Variants in GULP1 observed in about 807,000 individuals in gnomAD.
GULP1 encodes GULP PTB domain containing engulfment adaptor 1, also known as PTB domain-containing engulfment adapter protein 1.
In GULP1, 19 loss-of-function variants were observed where a neutral mutation model predicts 40.9. That is an observed-to-expected ratio of 0.46 (90% CI 0.32 to 0.68). The LOEUF (loss-of-function observed/expected upper bound fraction) is 0.68. GULP1 is among the 30% of genes least tolerant of loss of function. The pLI, the probability that GULP1 is intolerant of heterozygous loss-of-function variation, is 0.03. For synonymous variants in GULP1, 119 were observed against 117.6 expected (o/e 1.01, Z -0.08); for missense variants, 312 against 362.2 (o/e 0.86, Z 1.12).
intron 3 of GULP1, among the ~76,000 whole-genome samples, chr2:188,479,932 C>T (rs1042226420): frequency 6.6e-6 from 1 of 152,030 alleles, no homozygotes; most frequent in African/African-American, 2.4e-5. Context: ...GCTTCATTCT[C>T]TTTGAATTTC....
At chr2:188,498,695 T>C (rs190386238) in intron 4 of GULP1, among the ~76,000 whole-genome samples, 196 of 151,872 alleles carry the variant, frequency 1.3e-3, no homozygotes, top group Middle Eastern at 3.4e-3. Context: ...AAAAATAATA[T>C]ATTATGTAGT....
At chr2:188,441,873 C>G (rs188979856) in intron 2 of GULP1, among the ~76,000 whole-genome samples, 98 of 152,216 alleles carry the variant, frequency 6.4e-4, no homozygotes, top group Non-Finnish European at 7.9e-4. Context: ...TTAAATAATG[C>G]AACAGATCTA....
At chr2:188,314,591 T>G in intron 1 of GULP1, among the ~76,000 whole-genome samples, 1 of 152,134 alleles carries the variant, frequency 6.6e-6, no homozygotes, top group East Asian at 1.9e-4. Context: ...AAAACTAACT[T>G]TGTAAAACCT....
chr2:188,401,273 AAAG>A (rs890818784), intron 2 of GULP1, among the ~76,000 whole-genome samples: 12 of 152,284 alleles, frequency 7.9e-5, no homozygotes, highest in East Asian at 1.9e-4. Context: ...AGCTGAGTGA[AAAG>A]AAGAAAACTA....
intron 4 of GULP1, among the ~76,000 whole-genome samples, chr2:188,506,404 C>T (rs938637172): frequency 2.6e-5 from 4 of 151,844 alleles, no homozygotes; most frequent in African/African-American, 9.7e-5. Context: ...CTATAATCTA[C>T]CTGGATTATG....
intron 1 of GULP1, among the ~76,000 whole-genome samples, chr2:188,321,541 TG>T (rs2039979626): frequency 6.6e-6 from 1 of 152,190 alleles, no homozygotes; most frequent in Non-Finnish European, 1.5e-5. Context: ...ATGCTAAAAA[TG>T]TTTTTCACAT....
chr2:188,554,115 T>C (rs1694175074), intron 7 of GULP1, among the ~76,000 whole-genome samples: 1 of 152,002 alleles, frequency 6.6e-6, no homozygotes, highest in Non-Finnish European at 1.5e-5. Context: ...TTGTTTGATC[T>C]TGTGTATTTT....
At chr2:188,375,425 G>A (rs767545279) in intron 1 of GULP1, among the ~76,000 whole-genome samples, 1 of 152,166 alleles carries the variant, frequency 6.6e-6, no homozygotes, top group Non-Finnish European at 1.5e-5. Flanking sequence ...TTAAACTAAT[G>A]ACTTTTTATG....
rs923952987 is a variant in GULP1 at position 188,424,895 on chromosome 2, T to G, written c.-45+41006T>G. On this transcript the variant is annotated intron_variant, in intron 2 of 11. Transcript: ENST00000409830. Reference sequence around the variant, plus strand: ...GTTCATCAGTTTATGGAATTTCTTGTAAAATGTTAGCTAGATATAAAGGTT... The same window carrying G: ...GTTCATCAGTTTATGGAATTTCTTGGAAAATGTTAGCTAGATATAAAGGTT... Among the ~76,000 whole-genome samples the G allele has an allele frequency of 2.6e-5, 4 of 152,024 alleles. No individual in the cohort carries two copies. The East Asian group carries it at 5.8e-4, about 22-fold the overall frequency.
At chr2:188,424,844 A>G (rs907562009) in intron 2 of GULP1, among the ~76,000 whole-genome samples, 1 of 152,012 alleles carries the variant, frequency 6.6e-6, no homozygotes, top group African/African-American at 2.4e-5. Context: ...CTGGATTTTA[A>G]TGATGGCATC....
At chr2:188,544,873 G>T (rs1029700030) in intron 7 of GULP1, among the ~76,000 whole-genome samples, 2 of 151,946 alleles carry the variant, frequency 1.3e-5, no homozygotes, top group Admixed American at 6.6e-5. Context: ...TCAACCTATA[G>T]ATCTAAAATA....
At chr2:188,411,427 C>T (rs2053864236) in intron 2 of GULP1, among the ~76,000 whole-genome samples, 1 of 152,110 alleles carries the variant, frequency 6.6e-6, no homozygotes, top group African/African-American at 2.4e-5. Flanking sequence ...TGTTGCTGAG[C>T]CCATGCCTAA....
chr2:188,438,435 AAT>A (rs772262760), intron 2 of GULP1, among the ~76,000 whole-genome samples: 16 of 150,732 alleles, frequency 1.1e-4, no homozygotes, highest in Non-Finnish European at 1.8e-4. Flanking sequence ...TCAAATACAT[AAT>A]ATATGACTAC....
intron 2 of GULP1, among the ~76,000 whole-genome samples, chr2:188,410,572 A>T (rs2053734418): frequency 6.6e-6 from 1 of 152,212 alleles, no homozygotes; most frequent in South Asian, 2.1e-4. Context: ...CATACAGATG[A>T]CCAACAGGTA....
At position 188,292,301 on chromosome 2, in the gene GULP1, G is replaced by T. The variant is rs1233620822; in HGVS notation, c.-172+135G>T. 6.5e-6 allele frequency: 1 copy of T among 152,678 alleles called. No individual in the cohort carries two copies. The highest frequency in any genetic ancestry group is 1.9e-4 in the East Asian group (1 of 5,166). 9.5% of individuals were successfully genotyped at this position (152,678 alleles called of 1,614,324 possible). A position where few individuals can be genotyped will look rare whatever the true frequency, so the allele number is the denominator to read the frequency against. The stretch of plus-strand genomic sequence containing the variant: ...CCGGCCACCAGTGCCCGGGAAGGAG[G>T]GCGCGGGGCTGCGCGTAGCCGCTGG... On this transcript the variant is annotated intron_variant, in intron 1 of 11. Coordinates refer to ENST00000409830, the MANE Select transcript of GULP1 (RefSeq NM_016315.4). The surrounding 1 kb of genome is among the most constrained non-coding windows in gnomAD (Gnocchi z 4.0).
intron 6 of GULP1, among the ~76,000 whole-genome samples, chr2:188,537,565 G>A (rs2153277054): frequency 6.6e-6 from 1 of 152,116 alleles, no homozygotes; most frequent in South Asian, 2.1e-4. Context: ...ATTTTTTAAT[G>A]TACTGTGGAA....
intron 1 of GULP1, among the ~76,000 whole-genome samples, chr2:188,364,267 A>T (rs1210102727): frequency 1.3e-5 from 2 of 152,148 alleles, no homozygotes; most frequent in Non-Finnish European, 2.9e-5. Context: ...TATGTGGAGG[A>T]TCACTGAAAC....
chr2:188,573,759 G>A (rs1016229908), intron 9 of GULP1, among the ~76,000 whole-genome samples: 13 of 152,306 alleles, frequency 8.5e-5, no homozygotes, highest in Middle Eastern at 3.4e-3. Flanking sequence ...CATTAAAGAA[G>A]CATTGAAGTA....
chr2:188,318,817 C>T (rs918770334), intron 1 of GULP1, among the ~76,000 whole-genome samples: 6 of 152,104 alleles, frequency 3.9e-5, no homozygotes, highest in African/African-American at 7.2e-5. Context: ...ATTCTAGGCG[C>T]GCTTCCTATG....
Sources: allele counts gnomAD v4.1 joint callset (sites outside exome capture counted in the v4.1 genomes callset), GRCh38; gene constraint gnomAD v4.1.1; non-coding constraint Gnocchi (gnomAD v3.1); transcripts MANE v1.5; gene names NCBI Gene and HGNC (gene_info 2026-07-23, HGNC 2026-07-21).